LNX1: variants seen among roughly 807,000 people sequenced by gnomAD.
The protein encoded by LNX1 is ligand of numb-protein X 1.
A neutral mutation model predicts 68.4 loss-of-function variants in LNX1; 54 were observed. The ratio of observed to expected loss-of-function variants is 0.79; its 90% CI spans 0.63 to 0.99. The LOEUF is 0.99. LNX1 is among the 50% of genes least tolerant of loss of function. The probability of loss-of-function intolerance (pLI) is 0.00; values close to 1 mark genes in which losing one functional copy is unlikely to be tolerated. For synonymous variants in LNX1, 336 were observed against 350.0 expected, an observed-to-expected ratio of 0.96 and a Z score of 0.45; for missense variants, 906 against 926.4, an observed-to-expected ratio of 0.98 and a Z score of 0.29.
rs113963378 is a variant in LNX1, at chr4:53,573,975, G to C, written c.28C>G (p.Pro10Ala). 4.7e-5 allele frequency: 76 copies of C among 1,612,892 alleles called. No homozygotes were observed. Among genetic ancestry groups the C allele is most frequent in the Non-Finnish European group, 6.3e-5 (74 of 1,179,372 alleles). The change falls in exon 2 of 11, where the codon CCT becomes GCT. Residue 10 changes from proline (P) to alanine (A), a missense_variant. Pro to Ala is a conservative substitution (Grantham distance 27). Transcript: ENST00000263925. ...CCACACACTGCACACAGGGGTTCAG[G>C]ATCGTTGGCAGACTCTGGCTGGTTC... MNQPESAND[P>A]EPLCAVCGQA... is the part of the protein sequence containing the mutation.
intron 2 of LNX1, among the ~76,000 whole-genome samples, chr4:53,545,202 C>A (rs1729023490): frequency 1.3e-5 from 2 of 152,166 alleles, no homozygotes; most frequent in Non-Finnish European, 2.9e-5. Context: ...TCTCTTATGC[C>A]TACTTCAATG....
chr4:53,468,905 C>A (rs1427620783), intron 9 of LNX1, among the ~76,000 whole-genome samples: 2 of 152,066 alleles, frequency 1.3e-5, no homozygotes, highest in African/African-American at 4.8e-5. Context: ...ACTTTAACAC[C>A]CCATTGTCAA....
chr4:53,579,407 T>C (rs1731692785), intron 1 of LNX1: 2 of 266,778 alleles, frequency 7.5e-6, no homozygotes, highest in Admixed American at 1.3e-4. Context: ...AATCTAGTGC[T>C]GAAAAGCACC....
At chr4:53,523,333 C>T in intron 2 of LNX1, 1 of 152,236 alleles carries the variant, frequency 6.6e-6, no homozygotes, top group South Asian at 2.1e-4. Context: ...GTCACCCAGG[C>T]TGAAGTAATA....
At chr4:53,551,891 C>A (rs1298978805) in intron 2 of LNX1, among the ~76,000 whole-genome samples, 4 of 152,100 alleles carry the variant, frequency 2.6e-5, no homozygotes, top group Non-Finnish European at 5.9e-5. Context: ...TACAGATTTG[C>A]CACCAGTAAC....
intron 9 of LNX1, 89 bp from the exon 10 acceptor site, chr4:53,461,682 T>G: frequency 9.3e-7 from 1 of 1,078,850 alleles, no homozygotes; most frequent in African/African-American, 1.6e-5. Context: ...TTCCTTTTGT[T>G]GGCATTTTTA....
intron 1 of LNX1, among the ~76,000 whole-genome samples, chr4:53,583,882 C>T (rs145092359): frequency 1.3e-5 from 2 of 152,042 alleles, no homozygotes; most frequent in Non-Finnish European, 2.9e-5. Flanking sequence ...GAAAAGATGT[C>T]CTTCCATTTC....
intron 2 of LNX1, among the ~76,000 whole-genome samples, chr4:53,609,605 T>TTATA (rs1733387918): frequency 2.7e-5 from 4 of 146,112 alleles, no homozygotes; most frequent in Admixed American, 6.9e-5. Flanking sequence ...ATATTATATG[T>TTATA]TATACTATAT....
intron 2 of LNX1, among the ~76,000 whole-genome samples, chr4:53,524,702 T>A (rs1727487678): frequency 6.6e-6 from 1 of 152,126 alleles, no homozygotes; most frequent in Admixed American, 6.6e-5. Context: ...CAAGTAAGGT[T>A]TAGGGGAAAT....
intron 6 of LNX1, among the ~76,000 whole-genome samples, chr4:53,493,585 C>G (rs1386395454): frequency 1.3e-5 from 2 of 152,184 alleles, no homozygotes; most frequent in Non-Finnish European, 2.9e-5. Context: ...GTTGCCAGCA[C>G]CTACCTGAAA....
At chr4:53,468,389 T>A (rs192604216) in intron 9 of LNX1, among the ~76,000 whole-genome samples, 1 of 152,124 alleles carries the variant, frequency 6.6e-6, no homozygotes, top group East Asian at 1.9e-4. Context: ...TGCAAAAACA[T>A]GCCAAATTGT....
chr4:53,553,727 C>G (rs1260568655), intron 2 of LNX1, among the ~76,000 whole-genome samples: 6 of 152,182 alleles, frequency 3.9e-5, no homozygotes, highest in Non-Finnish European at 8.8e-5. Context: ...GACCTCAGGG[C>G]TGTCCTAGAT....
intron 1 of LNX1, among the ~76,000 whole-genome samples, chr4:53,644,927 T>C (rs1370960196): frequency 6.6e-6 from 1 of 152,132 alleles, no homozygotes; most frequent in African/African-American, 2.4e-5. Flanking sequence ...AAAATGCGCT[T>C]CTCAGTTTTC....
chr4:53,489,334 CT>C (rs1724530502), intron 6 of LNX1, among the ~76,000 whole-genome samples: 1 of 152,232 alleles, frequency 6.6e-6, no homozygotes, highest in South Asian at 2.1e-4. Context: ...CATGTTCATC[CT>C]TATGTTCCCA....
chr4:53,544,045 T>G (rs1728932235), intron 2 of LNX1, among the ~76,000 whole-genome samples: 3 of 152,218 alleles, frequency 2.0e-5, no homozygotes, highest in African/African-American at 7.2e-5. Context: ...TATCTTAGTC[T>G]TCTTCACCTT....
chr4:53,620,374 A>G (rs1733823466), upstream of LNX1, among the ~76,000 whole-genome samples: 1 of 152,204 alleles, frequency 6.6e-6, no homozygotes, highest in Non-Finnish European at 1.5e-5. Context: ...AAATGCTGGG[A>G]GTGGGATCCA....
In LNX1 at chr4:53,573,792, C is replaced by T. The variant is rs1731317005; in HGVS notation, c.211G>A (p.Glu71Lys). ...CTLCLTNFLV[E>K]KDFCPMDRKP... Reference sequence around the variant, plus strand: ...CGGTCCATGGGACAGAAGTCCTTCTCCACCAGGAAGTTGGTGAGGCAGAGG... The same window carrying T: ...CGGTCCATGGGACAGAAGTCCTTCTTCACCAGGAAGTTGGTGAGGCAGAGG... Residue 71 changes from glutamate (E) to lysine (K), a missense_variant, in exon 2 of 11, where the codon GAG becomes AAG. Coordinates refer to ENST00000263925, the MANE Select transcript of LNX1 (RefSeq NM_001126328.3). The T allele has an allele frequency of 6.2e-7, 1 of 1,612,690 alleles. No individual in the cohort carries two copies.
chr4:53,472,245 C>A (rs1248186950), intron 9 of LNX1, among the ~76,000 whole-genome samples: 2 of 152,030 alleles, frequency 1.3e-5, no homozygotes, highest in East Asian at 1.9e-4. Flanking sequence ...GGACAAAAAA[C>A]CAAATACTGC....
At chr4:53,574,699 A>T (rs1731376381) in intron 1 of LNX1, among the ~76,000 whole-genome samples, 2 of 152,248 alleles carry the variant, frequency 1.3e-5, no homozygotes, top group Non-Finnish European at 2.9e-5. Context: ...AAATCCCACC[A>T]CTATGGGCCA....
Sources: gnomAD v4.1 joint callset for allele counts (sites outside exome capture counted in the v4.1 genomes callset) on GRCh38, gnomAD v4.1.1 for gene constraint, MANE v1.5 for transcripts, NCBI Gene and HGNC (gene_info 2026-07-23, HGNC 2026-07-21) for gene names.